MYH8: variants seen among roughly 807,000 people sequenced by gnomAD.
MYH8 encodes myosin heavy chain 8.
In MYH8, 168 loss-of-function variants were observed where a neutral mutation model predicts 233.2. The ratio of observed to expected loss-of-function variants is 0.72; its 90% confidence interval spans 0.64 to 0.82. The LOEUF is 0.82. Among genes scored for constraint, MYH8 ranks in the 40% least tolerant of loss-of-function variants. The probability of loss-of-function intolerance (pLI) is 0.00; values close to 1 mark genes in which losing one functional copy is unlikely to be tolerated. For missense variants in MYH8, 1,995 were observed against 2,327.8 expected, an observed-to-expected ratio of 0.86 and a Z score of 2.94; for synonymous variants, 785 against 850.6, an observed-to-expected ratio of 0.92 and a Z score of 1.34.
chr17:10,415,280 C>G lies in MYH8; in HGVS notation c.741+12G>C. 1.2e-6 allele frequency: 2 copies of G among 1,611,870 alleles called. No homozygotes were observed. The highest frequency in any genetic ancestry group is 8.5e-7 in the Non-Finnish European group (1 of 1,177,982). On this transcript the variant is annotated intron_variant, in intron 8 of 39. Transcript: ENST00000403437. The surrounding 1 kb of genome is among the most constrained non-coding windows in gnomAD (Gnocchi z 4.1). ...TACTCTGGAAGTTAGGGGTTGAGAC[C>G]AAGAGACTCACAAAGCGAGAGGAGT... is the stretch of plus-strand genomic sequence containing the variant.
chr17:10,418,613 C>A (rs372649436), intron 5 of MYH8, 32 bp downstream of exon 5: 13 of 1,613,050 alleles, frequency 8.1e-6, no homozygotes, highest in South Asian at 7.7e-5. Context: ...TCTATTTACA[C>A]ATTTCTGTAA....
intron 14 of MYH8, 23 bp downstream of exon 14, chr17:10,412,347 T>G: frequency 6.2e-7 from 1 of 1,614,058 alleles, no homozygotes; most frequent in Non-Finnish European, 8.5e-7. Context: ...GCCTCCTTCT[T>G]AATTCTTGTT....
chr17:10,397,387 C>T (rs1484169618), intron 30 of MYH8, among the ~76,000 whole-genome samples: 1 of 152,160 alleles, frequency 6.6e-6, no homozygotes, highest in Admixed American at 6.5e-5. Flanking sequence ...AGCCACTGTG[C>T]CTGGCCACGG....
chr17:10,406,370 A>C lies in MYH8; in HGVS notation c.2199T>G (p.Ile733Met). ...QRYKVLNASA[I>M]PEGQFIDSKK... Reference sequence around the variant, plus strand: ...TGCTGTCAATGAACTGTCCCTCTGGAATAGCACTTGCATTTAAAACCTTGT... The same window carrying C: ...TGCTGTCAATGAACTGTCCCTCTGGCATAGCACTTGCATTTAAAACCTTGT... Residue 733 changes from isoleucine (I) to methionine (M), a missense_variant, in exon 20 of 40, where the codon ATT becomes ATG. By Grantham distance (10) the Ile-to-Met change is conservative (BLOSUM62 1). Around this residue, in one of 3 missense-constraint regions of MYH8, gnomAD observed 1,498 missense variants for 1,680.9 expected, o/e 0.89. Transcript: ENST00000403437. The C allele has an allele frequency of 6.2e-7, 1 of 1,614,084 alleles. No homozygotes were observed. Among genetic ancestry groups the C allele is most frequent in the Middle Eastern group, 1.7e-4 (1 of 6,058 alleles).
Position 10,420,043 on chromosome 17 carries a change from A to G in MYH8, c.185T>C (p.Val62Ala). 6.2e-7 allele frequency: 1 copy of G among 1,614,110 alleles called. No homozygotes were observed. The highest frequency in any genetic ancestry group is 8.5e-7 in the Non-Finnish European group (1 of 1,179,958). Residue 62 changes from valine (V) to alanine (A), a missense_variant, in exon 3 of 40, where the codon GTA becomes GCA. Transcript: ENST00000403437. ...TGCTCCACCTTCAGTCTTTACGGTT[A>G]CTTTCCCTCCTTCTTTGCTTTGTAT... ...STIQSKEGGKVTVKTEGGATL... is the reference protein window; with the variant it reads ...STIQSKEGGKATVKTEGGATL...
At position 10,419,121 on chromosome 17, in the gene MYH8, G is replaced by T; in HGVS notation, c.211-91C>A. 1 of 1,460,072 alleles carries T rather than the reference G, an allele frequency of 6.8e-7. No individual in the cohort carries two copies. The highest frequency in any genetic ancestry group is 9.5e-7 in the Non-Finnish European group (1 of 1,053,794). The allele number at this position is 1,460,072 out of a possible 1,614,324, so 90.4% of individuals were successfully genotyped here. A position where few individuals can be genotyped will look rare whatever the true frequency, so the allele number is the denominator to read the frequency against. Reference sequence around the variant, plus strand: ...TGCCCAGGCTGGAGTGCAGTGGCGCGATCTCAGCTCACTGCAACCTCCGCC... The same window carrying T: ...TGCCCAGGCTGGAGTGCAGTGGCGCTATCTCAGCTCACTGCAACCTCCGCC... On this transcript the variant is annotated intron_variant, in intron 3 of 39. Transcript: ENST00000403437. The surrounding 1 kb of genome is among the most constrained non-coding windows in gnomAD (Gnocchi z 4.0).
intron 19 of MYH8, 116 bp downstream of exon 19, chr17:10,406,574 T>C: frequency 7.4e-7 from 1 of 1,350,244 alleles, no homozygotes; most frequent in East Asian, 2.3e-5. Context: ...CTGCTTCCTG[T>C]TATCCTTCTA....
At position 10,395,323 on chromosome 17, in the gene MYH8, C is replaced by T; in HGVS notation, c.4772G>A (p.Arg1591Lys). The T allele has an allele frequency of 6.2e-7, 1 of 1,614,206 alleles. No homozygotes were observed. The highest frequency in any genetic ancestry group is 8.5e-7 in the Non-Finnish European group (1 of 1,180,036). The part of the protein sequence containing the change: ...EKDEEIDQLK[R>K]NHTRVVETMQ... ...TGTCTCCACGACTCTAGTGTGGTTT[C>T]TCTTCAGCTGGTCAATTTCCTCATC... Residue 1591 changes from arginine to lysine, a missense_variant, in exon 34 of 40, where the codon AGA becomes AAA. Physicochemically the swap from Arg to Lys is conservative, Grantham distance 26 (BLOSUM62 2). Transcript: ENST00000403437.
intron 21 of MYH8, 53 bp from the exon 22 acceptor site, chr17:10,404,638 T>C (rs960290075): frequency 1.9e-6 from 3 of 1,606,842 alleles, no homozygotes; most frequent in African/African-American, 1.3e-5. Flanking sequence ...GCCAATGTTA[T>C]TGTTACTTAT....
intron 9 of MYH8, 77 bp from the exon 10 acceptor site, chr17:10,414,561 G>A: frequency 1.0e-6 from 1 of 974,096 alleles, no homozygotes. Context: ...CACGTCTTTG[G>A]TCAAATTTGG....
intron 2 of MYH8, among the ~76,000 whole-genome samples, chr17:10,420,970 A>G (rs984473994): frequency 3.3e-5 from 5 of 152,218 alleles, no homozygotes; most frequent in African/African-American, 9.6e-5. Context: ...CCTTCTTCCC[A>G]CATAAATTCC....
chr17:10,397,300 G>A (rs1313543271), intron 30 of MYH8, among the ~76,000 whole-genome samples: 1 of 151,972 alleles, frequency 6.6e-6, no homozygotes, highest in Admixed American at 6.6e-5. Context: ...CCATATGTTG[G>A]CCAAGCTGGT....
chr17:10,412,751 A>ATGT, intron 12 of MYH8, 23 bp from the exon 13 acceptor site: 1 of 1,550,072 alleles, frequency 6.5e-7, no homozygotes, highest in Non-Finnish European at 8.9e-7. Flanking sequence ...AGTTCAGGAC[A>ATGT]TGTTGTTTCA....
rs2072303030 is a variant in MYH8, at chr17:10,417,986, G to T, written c.511+659C>A. On this transcript the variant is annotated intron_variant, in intron 5 of 39. Transcript: ENST00000403437. This position sits in a 1 kb window ranked among gnomAD's most constrained non-coding sequence, Gnocchi z 4.1. ...GTGCATTTGGTGTGTGAAGATAAAA[G>T]GTTTTAATGCTGTATTTGGGCCTAT... 6.6e-6 allele frequency among the ~76,000 whole-genome samples: 1 copy of T among 152,216 alleles called. No homozygotes were observed. The highest frequency in any genetic ancestry group is 1.5e-5 in the Non-Finnish European group (1 of 68,038).
In MYH8 at chr17:10,406,171, A is replaced by G. The variant is rs1310664814; in HGVS notation, c.2302T>C (p.Phe768Leu). 1 of 1,614,134 alleles carries G rather than the reference A, an allele frequency of 6.2e-7. No homozygotes were observed. Among genetic ancestry groups the G allele is most frequent in the South Asian group, 1.1e-5 (1 of 91,080 alleles). ...AGAAGACCCAGAAGTCCAGCTTTGA[A>G]GAAAACCTGGAGAAAGAGAGAGTCA... ...QYKFGHTKVF[F>L]KAGLLGLLEE... The change falls in exon 21 of 40, where the codon TTC (phenylalanine) becomes CTC (leucine). Residue 768 changes from phenylalanine to leucine, a missense_variant. Transcript: ENST00000403437.
In MYH8 at chr17:10,409,466, C is replaced by CCCA; in HGVS notation, c.1709_1710insTGG (p.Lys570delinsAsnGly). ...GGGCCTCAGCCTTGCCTTTGACCAC[C>CCCA]TTGGGCTTCTGGAAGTTGGCAGACT... On this transcript the variant is annotated protein_altering_variant, in exon 16 of 40. Transcript: ENST00000403437. The CCCA allele has an allele frequency of 6.2e-7, 1 of 1,614,230 alleles. No individual in the cohort carries two copies.
In MYH8 at chr17:10,392,813, A is replaced by G. The variant is rs978986080; in HGVS notation, c.5463+18T>C. 5.0e-6 allele frequency: 8 copies of G among 1,614,110 alleles called. No homozygotes were observed. The highest frequency in any genetic ancestry group is 1.1e-5 in the South Asian group (1 of 91,070). On this transcript the variant is annotated intron_variant, in intron 37 of 39. Coordinates refer to ENST00000403437, the MANE Select transcript of MYH8 (RefSeq NM_002472.3). ...GCCCTTTTTCCCTTCCCAGATTTAG[A>G]GAGATTGAGACACCCACCCTGGCCT...
In MYH8 at chr17:10,394,302, C is replaced by T. The variant is rs143448404; in HGVS notation, c.5113G>A (p.Ala1705Thr). 1.1e-4 allele frequency: 184 copies of T among 1,614,000 alleles called. No individual in the cohort carries two copies. The highest frequency in any genetic ancestry group is 1.1e-3 in the African/African-American group (83 of 74,996). The change falls in exon 35 of 40, where the codon GCC (alanine) becomes ACC (threonine). Residue 1705 changes from alanine (A) to threonine (T), a missense_variant. Ala to Thr is a moderately conservative substitution (Grantham distance 58). Around this residue, in one of 3 missense-constraint regions of MYH8, gnomAD observed 1,498 missense variants for 1,680.9 expected, o/e 0.89. Transcript: ENST00000403437. ...LEQTERSRKI[A>T]EQELLDASER... ...CTGGCATCCAGGAGCTCCTGTTCGG[C>T]GATTTTCCTGCTTCTCTCTGTCTGT... is the stretch of plus-strand genomic sequence containing the variant.
chr17:10,394,254 T>C lies in MYH8; in HGVS notation c.5161A>G (p.Thr1721Ala), dbSNP rs1194317809. 6.2e-7 allele frequency: 1 copy of C among 1,613,810 alleles called. No homozygotes were observed. The highest frequency in any genetic ancestry group is 2.2e-5 in the East Asian group (1 of 44,864). ...GTTTGATGTGAGGGTCTCACCTGGG[T>C]GTGGAGGAGCTGGACACGCTCACTG... ...DASERVQLLH[T>A]QNTSLINTKK... Residue 1721 changes from threonine to alanine, a missense_variant, in exon 35 of 40, where the codon ACC becomes GCC. Transcript: ENST00000403437.
Sources: allele counts gnomAD v4.1 joint callset (sites outside exome capture counted in the v4.1 genomes callset), GRCh38; gene constraint gnomAD v4.1.1; regional missense constraint gnomAD v4.1.1; non-coding constraint Gnocchi (gnomAD v3.1); transcripts MANE v1.5; gene names NCBI Gene and HGNC (gene_info 2026-07-23, HGNC 2026-07-21).